SYK: variants seen among roughly 807,000 people sequenced by gnomAD.
SYK encodes spleen associated tyrosine kinase.
Under a neutral mutation model 77.8 loss-of-function variants are expected in SYK, and 16 were observed. The ratio of observed to expected loss-of-function variants is 0.21; its 90% CI spans 0.14 to 0.31. The LOEUF (loss-of-function observed/expected upper bound fraction) is 0.31, where lower values mean the gene tolerates loss of function less well. Ranked by LOEUF, SYK falls within the 10% of genes least tolerant of loss-of-function variation. The probability of loss-of-function intolerance (pLI) is 1.00; values close to 1 mark genes in which losing one functional copy is unlikely to be tolerated. For synonymous variants in SYK, 312 were observed against 308.7 expected (o/e 1.01, Z -0.11); for missense variants, 529 against 814.4 (o/e 0.65, Z 4.26).
intron 1 of SYK, among the ~76,000 whole-genome samples, chr9:90,802,372 G>A (rs895573864): frequency 3.9e-5 from 6 of 152,192 alleles, no homozygotes; most frequent in South Asian, 4.1e-4. Flanking sequence ...CGTCTTATGA[G>A]CTTAGACAAA....
chr9:90,864,733 C>T, intron 5 of SYK, 66 bp downstream of exon 5: 1 of 1,435,878 alleles, frequency 7.0e-7, no homozygotes, highest in Admixed American at 1.7e-5. Context: ...TCATTTTAGA[C>T]TTAGCTGATT....
chr9:90,889,616 A>AC (rs1828714882), intron 13 of SYK, among the ~76,000 whole-genome samples: 1 of 152,088 alleles, frequency 6.6e-6, no homozygotes, highest in Non-Finnish European at 1.5e-5. Context: ...TCTAGAAACC[A>AC]CCCAGGGGGC....
chr9:90,867,987 T>A (rs1329978191), intron 7 of SYK, among the ~76,000 whole-genome samples: 1 of 152,238 alleles, frequency 6.6e-6, no homozygotes, highest in African/African-American at 2.4e-5. Context: ...ATTTTCATAT[T>A]ACTTGGTGTT....
intron 7 of SYK, among the ~76,000 whole-genome samples, chr9:90,868,706 T>G (rs1330682): frequency 7.6e-4 from 115 of 152,316 alleles, no homozygotes; most frequent in Non-Finnish European, 1.5e-3. Flanking sequence ...TTGATAACAC[T>G]GTAGTAAAGG....
chr9:90,893,170 A>G (rs1003002506), intron 13 of SYK, among the ~76,000 whole-genome samples: 5 of 152,230 alleles, frequency 3.3e-5, no homozygotes, highest in Non-Finnish European at 7.3e-5. Context: ...AGTGTGTCCT[A>G]TGATGTGTCT....
intron 3 of SYK, among the ~76,000 whole-genome samples, chr9:90,855,685 T>C (rs200802839): frequency 1.4e-5 from 2 of 146,724 alleles, no homozygotes; most frequent in African/African-American, 5.2e-5. Flanking sequence ...TGTGTGTGTG[T>C]GTGGGTGTGT....
chr9:90,870,287 G>A (rs559635259), intron 7 of SYK, among the ~76,000 whole-genome samples: 1 of 152,204 alleles, frequency 6.6e-6, no homozygotes, highest in Admixed American at 6.5e-5. Context: ...AAAATAGGTG[G>A]AAATTAAACA....
At chr9:90,861,413 C>A (rs563161878) in intron 3 of SYK, among the ~76,000 whole-genome samples, 4 of 152,304 alleles carry the variant, frequency 2.6e-5, no homozygotes, top group African/African-American at 7.2e-5. Context: ...GTCTCTTCAC[C>A]CCACAGTGGA....
intron 1 of SYK, among the ~76,000 whole-genome samples, chr9:90,825,984 G>A (rs1202057405): frequency 6.6e-6 from 1 of 152,170 alleles, no homozygotes; most frequent in African/African-American, 2.4e-5. Flanking sequence ...TTTCTGATTT[G>A]GCAGGTCAGG....
intron 1 of SYK, among the ~76,000 whole-genome samples, chr9:90,824,751 A>C (rs1825616993): frequency 6.6e-6 from 1 of 152,056 alleles, no homozygotes; most frequent in Admixed American, 6.5e-5. Flanking sequence ...TAAAAAAAAA[A>C]ACCTACAGGT....
chr9:90,817,471 A>G (rs1210382672), intron 1 of SYK, among the ~76,000 whole-genome samples: 1 of 151,824 alleles, frequency 6.6e-6, no homozygotes, highest in African/African-American at 2.4e-5. Flanking sequence ...ATATCCATTC[A>G]TTTTTCCCTG....
chr9:90,874,478 T>C (rs1827852789), intron 8 of SYK, among the ~76,000 whole-genome samples, 187 bp downstream of exon 8: 1 of 152,208 alleles, frequency 6.6e-6, no homozygotes, highest in Non-Finnish European at 1.5e-5. Flanking sequence ...GATGGTGCTA[T>C]TGAATGAAAT....
In SYK at chr9:90,877,800, C is replaced by T. The variant is rs761784908; in HGVS notation, c.1391+20C>T. ...GAACAGGTATTGTCAGGTGCCCCCA[C>T]ACATCTGGAAGCTATCCCCTAAGGG... On this transcript the variant is annotated intron_variant, in intron 10 of 13. Transcript: ENST00000375754. 1 of 1,613,228 alleles carries T rather than the reference C, an allele frequency of 6.2e-7. No individual in the cohort carries two copies. Among genetic ancestry groups the T allele is most frequent in the South Asian group, 1.1e-5 (1 of 91,004 alleles).
rs201367588 is a variant in SYK at position 90,895,788 on chromosome 9, C to T, written c.*188C>T. ...ACCCTCCACAAAGCAAAGGCAGTCC[C>T]GGGAGAAAAGACGGATGGCAGGATC... On this transcript the variant is annotated 3_prime_UTR_variant, in exon 14 of 14. Coordinates refer to ENST00000375754, the MANE Select transcript of SYK (RefSeq NM_003177.7). This position sits in a 1 kb window ranked among gnomAD's most constrained non-coding sequence, Gnocchi z 4.4. The T allele has an allele frequency of 7.0e-5, 38 of 545,352 alleles. No homozygotes were observed. Among genetic ancestry groups the T allele is most frequent in the South Asian group, 2.0e-4 (8 of 39,958 alleles). 33.8% of individuals were successfully genotyped at this position (545,352 alleles called of 1,614,324 possible).
chr9:90,803,192 ACT>A (rs1465887317), intron 1 of SYK, among the ~76,000 whole-genome samples: 1 of 152,090 alleles, frequency 6.6e-6, no homozygotes, highest in Non-Finnish European at 1.5e-5. Context: ...TATTTAGAAA[ACT>A]CTTGCATTAA....
In SYK at chr9:90,884,537, GTACA is replaced by G. The variant is rs1173831088; in HGVS notation, c.1582-3203_1582-3200del. Among the ~76,000 whole-genome samples the G allele has an allele frequency of 2.6e-3, 255 of 99,968 alleles. 120 individuals carry two copies. Among genetic ancestry groups the G allele is most frequent in the African/African-American group, 9.8e-3 (244 of 24,892 alleles). 65.6% of individuals were successfully genotyped at this position (99,968 alleles called of 152,430 possible). A position where few individuals can be genotyped will look rare whatever the true frequency, so the allele number is the denominator to read the frequency against. Reference sequence around the variant, plus strand: ...CATACACATACACATATGTGTACATGTACATACATACACATACACATATGTGTAC... The same window carrying G: ...CATACACATACACATATGTGTACATGTACATACACATACACATATGTGTAC... On this transcript the variant is annotated intron_variant, in intron 11 of 13. Coordinates refer to ENST00000375754, the MANE Select transcript of SYK (RefSeq NM_003177.7).
chr9:90,804,568 T>C (rs1410612755), intron 1 of SYK, among the ~76,000 whole-genome samples: 1 of 152,202 alleles, frequency 6.6e-6, no homozygotes, highest in Non-Finnish European at 1.5e-5. Flanking sequence ...TCTGGATTGG[T>C]TTAGCTATAA....
chr9:90,827,883 T>C (rs1241519053), intron 1 of SYK, among the ~76,000 whole-genome samples: 2 of 152,232 alleles, frequency 1.3e-5, no homozygotes, highest in African/African-American at 4.8e-5. Context: ...AAGACAATTA[T>C]AAAATCTCAG....
At chr9:90,810,312 T>G (rs1825025871) in intron 1 of SYK, among the ~76,000 whole-genome samples, 1 of 152,150 alleles carries the variant, frequency 6.6e-6, no homozygotes, top group Non-Finnish European at 1.5e-5. Context: ...CAGCTCCACA[T>G]GGCATGCTCC....
Sources: gnomAD v4.1 joint callset for allele counts (sites outside exome capture counted in the v4.1 genomes callset) on GRCh38, gnomAD v4.1.1 for gene constraint, Gnocchi (gnomAD v3.1) non-coding constraint, MANE v1.5 for transcripts, NCBI Gene and HGNC (gene_info 2026-07-23, HGNC 2026-07-21) for gene names.